ST6GALNAC3: variants seen among roughly 807,000 people sequenced by gnomAD.
The protein encoded by ST6GALNAC3 is ST6 N-acetylgalactosaminide alpha-2,6-sialyltransferase 3, also known as alpha-N-acetylgalactosaminide alpha-2,6-sialyltransferase 3.
ST6GALNAC3 carries 25 observed loss-of-function variants against 32.7 expected under a neutral mutation model. That is an observed-to-expected ratio of 0.76 (90% CI 0.56 to 1.07). The LOEUF (loss-of-function observed/expected upper bound fraction) is 1.07, where lower values mean the gene tolerates loss of function less well. ST6GALNAC3 is among the 50% of genes least tolerant of loss of function. ST6GALNAC3 has a pLI of 0.00. For synonymous variants in ST6GALNAC3, 129 were observed against 133.1 expected (o/e 0.97, Z 0.21); for missense variants, 355 against 382.4 (o/e 0.93, Z 0.60).
At position 76,434,918 on chromosome 1, in the gene ST6GALNAC3, G is replaced by A. The variant is rs140054870; in HGVS notation, c.623+22501G>A. ...CAATTCTCCTGCCTCAGCCTCTTGA[G>A]TAGCTGGGACTACAGGCATGCATCA... is the stretch of plus-strand genomic sequence containing the variant. On this transcript the variant is annotated intron_variant, in intron 3 of 4. Coordinates refer to ENST00000328299, the MANE Select transcript of ST6GALNAC3 (RefSeq NM_152996.4). Among the ~76,000 whole-genome samples the A allele has an allele frequency of 5.7e-4, 86 of 150,962 alleles. 1 individual carries two copies. The East Asian group carries it at 0.013, about 22-fold the overall frequency.
intron 1 of ST6GALNAC3, among the ~76,000 whole-genome samples, chr1:76,152,091 G>T (rs1295100131): frequency 6.6e-6 from 1 of 152,178 alleles, no homozygotes; most frequent in Non-Finnish European, 1.5e-5. Flanking sequence ...GTGAAAAATT[G>T]TCAAAAGATT....
intron 1 of ST6GALNAC3, among the ~76,000 whole-genome samples, chr1:76,272,528 G>A (rs888870171): frequency 4.6e-5 from 7 of 152,064 alleles, no homozygotes; most frequent in African/African-American, 1.7e-4. Flanking sequence ...TTCCTCATTT[G>A]TAGTTCAGAG....
chr1:76,405,586 G>GATGT (rs1653767824), intron 2 of ST6GALNAC3, among the ~76,000 whole-genome samples: 1 of 138,826 alleles, frequency 7.2e-6, no homozygotes, highest in South Asian at 2.6e-4. Context: ...GAAGGTAACA[G>GATGT]ATGTGTGTGT....
intron 1 of ST6GALNAC3, among the ~76,000 whole-genome samples, chr1:76,126,400 T>TTCCC (rs202041325): frequency 5.3e-5 from 8 of 150,818 alleles, no homozygotes; most frequent in Non-Finnish European, 1.2e-4. Context: ...TTTCTTTCTT[T>TTCCC]TCCCTCCCTC....
intron 3 of ST6GALNAC3, among the ~76,000 whole-genome samples, chr1:76,470,254 T>C (rs1311135326): frequency 6.6e-6 from 1 of 152,096 alleles, no homozygotes; most frequent in Non-Finnish European, 1.5e-5. Flanking sequence ...ACTGTGAATC[T>C]CTGTAACTGA....
At chr1:76,414,204 C>T (rs1044382018) in intron 3 of ST6GALNAC3, among the ~76,000 whole-genome samples, 1 of 152,054 alleles carries the variant, frequency 6.6e-6, no homozygotes, top group African/African-American at 2.4e-5. Context: ...ATTTTACTCA[C>T]TTGATAAAGT....
At chr1:76,596,180 ACCT>A (rs1305140535) in intron 3 of ST6GALNAC3, among the ~76,000 whole-genome samples, 1 of 152,026 alleles carries the variant, frequency 6.6e-6, no homozygotes, top group Non-Finnish European at 1.5e-5. Context: ...AAACTCTTCG[ACCT>A]CCTGCTTTAG....
chr1:76,564,383 T>C (rs983201727), intron 3 of ST6GALNAC3, among the ~76,000 whole-genome samples: 3 of 152,140 alleles, frequency 2.0e-5, no homozygotes, highest in Non-Finnish European at 2.9e-5. Flanking sequence ...TTCAGTAATA[T>C]AGGCCACACA....
chr1:76,234,599 A>G (rs1213957032), intron 1 of ST6GALNAC3, among the ~76,000 whole-genome samples: 1 of 152,168 alleles, frequency 6.6e-6, no homozygotes, highest in Admixed American at 6.5e-5. Flanking sequence ...CTCTTATGCC[A>G]TAACCTGGGC....
chr1:76,249,155 G>A (rs186822476), intron 1 of ST6GALNAC3, among the ~76,000 whole-genome samples: 182 of 152,262 alleles, frequency 1.2e-3, no homozygotes, highest in African/African-American at 4.2e-3. Context: ...AGTTCAATGG[G>A]TTTTAATATA....
intron 2 of ST6GALNAC3, among the ~76,000 whole-genome samples, chr1:76,371,056 C>A (rs1189149433): frequency 1.3e-5 from 2 of 152,088 alleles, no homozygotes; most frequent in East Asian, 3.9e-4. Context: ...AAATTCCAGT[C>A]CATTTTGTTC....
At chr1:76,417,611 A>G (rs1339274793) in intron 3 of ST6GALNAC3, among the ~76,000 whole-genome samples, 5 of 152,188 alleles carry the variant, frequency 3.3e-5, no homozygotes, top group Non-Finnish European at 7.3e-5. Context: ...TTGAGAGCCA[A>G]TGTGAGATAT....
At chr1:76,153,330 G>A (rs1033427168) in intron 1 of ST6GALNAC3, among the ~76,000 whole-genome samples, 3 of 151,882 alleles carry the variant, frequency 2.0e-5, no homozygotes, top group Admixed American at 6.5e-5. Flanking sequence ...CCTTTTTGTT[G>A]CCAGAATAAC....
intron 3 of ST6GALNAC3, among the ~76,000 whole-genome samples, chr1:76,597,246 T>C (rs1647151810): frequency 6.6e-6 from 1 of 152,186 alleles, no homozygotes; most frequent in African/African-American, 2.4e-5. Flanking sequence ...ATAATCTCAC[T>C]TATTTACTCA....
At chr1:76,441,200 T>C (rs909265611) in intron 3 of ST6GALNAC3, among the ~76,000 whole-genome samples, 2 of 152,042 alleles carry the variant, frequency 1.3e-5, no homozygotes, top group Admixed American at 6.6e-5. Flanking sequence ...TGTGTAGTTA[T>C]AATTATTATT....
intron 3 of ST6GALNAC3, among the ~76,000 whole-genome samples, chr1:76,544,898 A>T (rs947604348): frequency 3.3e-5 from 5 of 152,226 alleles, no homozygotes; most frequent in African/African-American, 9.6e-5. Context: ...CATGAAAGGG[A>T]TCACATTTTA....
chr1:76,334,094 C>T (rs1402840166), intron 2 of ST6GALNAC3, among the ~76,000 whole-genome samples: 3 of 152,056 alleles, frequency 2.0e-5, no homozygotes, highest in Admixed American at 6.6e-5. Flanking sequence ...GGTAGAATTA[C>T]ATGTATTTAT....
At chr1:76,541,910 T>G (rs776684826) in intron 3 of ST6GALNAC3, among the ~76,000 whole-genome samples, 1 of 152,204 alleles carries the variant, frequency 6.6e-6, no homozygotes, top group Non-Finnish European at 1.5e-5. Flanking sequence ...AGTTTTCAGC[T>G]ACAGATTAGG....
intron 1 of ST6GALNAC3, among the ~76,000 whole-genome samples, chr1:76,229,591 TG>T (rs1656253297): frequency 6.6e-6 from 1 of 152,226 alleles, no homozygotes. Flanking sequence ...GGTTGGTCTT[TG>T]TTTATTTCCA....
Sources: allele counts gnomAD v4.1 joint callset (sites outside exome capture counted in the v4.1 genomes callset), GRCh38; gene constraint gnomAD v4.1.1; transcripts MANE v1.5; gene names NCBI Gene and HGNC (gene_info 2026-07-23, HGNC 2026-07-21).